Variants in ARHGAP21 observed in about 807,000 individuals in gnomAD.
ARHGAP21 encodes rho GTPase-activating protein 21.
A neutral mutation model predicts 164.6 loss-of-function variants in ARHGAP21; 38 were observed. The observed-to-expected ratio is 0.23, with a 90% CI of 0.18 to 0.30. ARHGAP21 has a LOEUF of 0.30. Ranked by LOEUF, ARHGAP21 falls within the 10% of genes least tolerant of loss-of-function variation. The pLI, the probability that ARHGAP21 is intolerant of heterozygous loss-of-function variation, is 1.00. For synonymous variants in ARHGAP21, 766 were observed against 857.9 expected, an observed-to-expected ratio of 0.89 and a Z score of 1.87; for missense variants, 1,822 against 2,370.7, an observed-to-expected ratio of 0.77 and a Z score of 4.81.
intron 2 of ARHGAP21, among the ~76,000 whole-genome samples, chr10:24,705,170 T>C (rs530622181): frequency 2.0e-5 from 3 of 152,308 alleles, no homozygotes; most frequent in African/African-American, 7.2e-5. Flanking sequence ...ACTAATGAGT[T>C]TAGTAATTGC....
chr10:24,675,331 G>C (rs1216850549), intron 2 of ARHGAP21, among the ~76,000 whole-genome samples: 1 of 152,150 alleles, frequency 6.6e-6, no homozygotes, highest in East Asian at 1.9e-4. Flanking sequence ...AGGAGAAGGA[G>C]TACATACTGT....
chr10:24,590,150 G>T (rs1329074357), intron 24 of ARHGAP21: 2 of 1,348,524 alleles, frequency 1.5e-6, no homozygotes, highest in East Asian at 2.7e-5. Context: ...CCCATGCCAC[G>T]CCCCTTTTAA....
Position 24,719,098 on chromosome 10 carries a change from T to TACACACACACACAC in ARHGAP21, c.63+2725_63+2738dup, listed in dbSNP as rs57863565. On this transcript the variant is annotated intron_variant, in intron 2 of 25. Transcript: ENST00000396432. ...ATTGGTGTCAGAAGACTTCACGGAC[T>TACACACACACACAC]ACACACACACACACACACACACACA... 9.2e-3 allele frequency among the ~76,000 whole-genome samples: 1,363 copies of TACACACACACACAC among 147,588 alleles called. 18 individuals carry two copies. The highest frequency in any genetic ancestry group is 0.033 in the African/African-American group (1,298 of 39,652).
intron 14 of ARHGAP21, among the ~76,000 whole-genome samples, chr10:24,599,240 G>C (rs2076710273): frequency 6.6e-6 from 1 of 152,226 alleles, no homozygotes; most frequent in African/African-American, 2.4e-5. Context: ...TCTACTGCCT[G>C]AGAGAATGCC....
At chr10:24,712,283 G>GAC (rs547891906) in intron 2 of ARHGAP21, among the ~76,000 whole-genome samples, 157 of 152,250 alleles carry the variant, frequency 1.0e-3, no homozygotes, top group South Asian at 5.8e-3. Flanking sequence ...GGCAGATGGA[G>GAC]ACTTGGGCAT....
In ARHGAP21 at chr10:24,625,062, G is replaced by A. The variant is rs11014181; in HGVS notation, c.496-2300C>T. ...AAGCTCTAAAAAGTGGGGGGGGGGG[G>A]GGAGGAGGAGGAGGAAGAAAATAAG... is the stretch of plus-strand genomic sequence containing the variant. On this transcript the variant is annotated intron_variant, in intron 7 of 25. Transcript: ENST00000396432. 6.6e-3 allele frequency among the ~76,000 whole-genome samples: 289 copies of A among 43,938 alleles called. 89 individuals carry two copies. The South Asian group carries it at 0.17, about 26-fold the overall frequency. 28.8% of individuals were successfully genotyped at this position (43,938 alleles called of 152,430 possible).
intron 9 of ARHGAP21, among the ~76,000 whole-genome samples, chr10:24,612,808 T>C (rs1412181021): frequency 1.3e-5 from 2 of 152,108 alleles, no homozygotes; most frequent in East Asian, 3.9e-4. Context: ...TGAGCCGAGA[T>C]CAGGCTGCTG....
intron 4 of ARHGAP21, among the ~76,000 whole-genome samples, chr10:24,639,290 T>C (rs1836733057): frequency 6.6e-6 from 1 of 152,180 alleles, no homozygotes; most frequent in Non-Finnish European, 1.5e-5. Flanking sequence ...ATGACAACCC[T>C]ATATCCAAGT....
At chr10:24,595,676 T>G in intron 19 of ARHGAP21, 41 bp downstream of exon 19, 1 of 1,564,470 alleles carries the variant, frequency 6.4e-7, no homozygotes, top group Non-Finnish European at 8.8e-7. Flanking sequence ...AATTGTAACT[T>G]GAACCATTTC....
Position 24,722,029 on chromosome 10 carries a change from C to A in ARHGAP21, c.-130G>T. ...CCGAGGAGGGGCAGGGCTGTTGAAA[C>A]AGACAACGTGCCAGGGAATAAAGGT... On this transcript the variant is annotated 5_prime_UTR_variant, in exon 2 of 26. Coordinates refer to ENST00000396432, the MANE Select transcript of ARHGAP21 (RefSeq NM_020824.4). 3 of 939,012 alleles carry A rather than the reference C, an allele frequency of 3.2e-6. No individual in the cohort carries two copies. In the South Asian group the frequency reaches 4.3e-5, roughly 13 times the overall value. 58.2% of individuals were successfully genotyped at this position (939,012 alleles called of 1,614,324 possible). A position where few individuals can be genotyped will look rare whatever the true frequency, so the allele number is the denominator to read the frequency against.
At chr10:24,712,315 G>A (rs145108615) in intron 2 of ARHGAP21, among the ~76,000 whole-genome samples, 210 of 152,264 alleles carry the variant, frequency 1.4e-3, no homozygotes, top group Non-Finnish European at 2.1e-3. Context: ...GGCCATGTAC[G>A]GACAGGCAGA....
intron 4 of ARHGAP21, among the ~76,000 whole-genome samples, chr10:24,661,814 A>T (rs1234788151): frequency 6.6e-6 from 1 of 152,248 alleles, no homozygotes; most frequent in African/African-American, 2.4e-5. Flanking sequence ...CATTCTAAAA[A>T]CTGACTTGTA....
Position 24,607,607 on chromosome 10 carries a change from A to ATTAAT in ARHGAP21, c.2582-11_2582-7dup. The ATTAAT allele has an allele frequency of 6.2e-7, 1 of 1,613,300 alleles. No homozygotes were observed. Among genetic ancestry groups the ATTAAT allele is most frequent in the Non-Finnish European group, 8.5e-7 (1 of 1,179,366 alleles). On this transcript the variant is annotated splice_region_variant and splice_polypyrimidine_tract_variant and intron_variant, in intron 10 of 25. Coordinates refer to ENST00000396432, the MANE Select transcript of ARHGAP21 (RefSeq NM_020824.4). ...GCTAGGAGGGCCAACAGATTCTGTA[A>ATTAAT]TTAATTAAAATCCAATATTTAGACA...
intron 11 of ARHGAP21, among the ~76,000 whole-genome samples, chr10:24,606,118 AAAAGT>A (rs1337841610): frequency 6.6e-6 from 1 of 152,192 alleles, no homozygotes; most frequent in Non-Finnish European, 1.5e-5. Context: ...CAAAAAAATA[AAAAGT>A]AAACATAAAT....
At chr10:24,715,116 G>A (rs943269277) in intron 2 of ARHGAP21, among the ~76,000 whole-genome samples, 5 of 151,982 alleles carry the variant, frequency 3.3e-5, no homozygotes, top group African/African-American at 4.8e-5. Flanking sequence ...TTTTAGTATT[G>A]TTTTAAGCAG....
intron 2 of ARHGAP21, among the ~76,000 whole-genome samples, chr10:24,693,940 C>T (rs1317606845): frequency 6.6e-6 from 1 of 152,172 alleles, no homozygotes; most frequent in Admixed American, 6.5e-5. Flanking sequence ...CTATAATCTT[C>T]AGGAACACAG....
chr10:24,653,221 C>T (rs1470606815), intron 4 of ARHGAP21, among the ~76,000 whole-genome samples: 1 of 152,158 alleles, frequency 6.6e-6, no homozygotes, highest in Non-Finnish European at 1.5e-5. Context: ...TACCCTTTCC[C>T]AGTCAATTCA....
intron 2 of ARHGAP21, among the ~76,000 whole-genome samples, chr10:24,719,462 A>AT (rs1331896900): frequency 1.3e-5 from 2 of 152,234 alleles, no homozygotes; most frequent in African/African-American, 4.8e-5. Flanking sequence ...GAGTTGGCTA[A>AT]TTAGATAAAG....
intron 9 of ARHGAP21, among the ~76,000 whole-genome samples, chr10:24,609,739 C>T (rs1230383604): frequency 6.6e-6 from 1 of 152,088 alleles, no homozygotes; most frequent in Non-Finnish European, 1.5e-5. Context: ...TAATTATTAC[C>T]AATGTGCATA....
Sources: gnomAD v4.1 joint callset for allele counts (sites outside exome capture counted in the v4.1 genomes callset) on GRCh38, gnomAD v4.1.1 for gene constraint, MANE v1.5 for transcripts, NCBI Gene and HGNC (gene_info 2026-07-23, HGNC 2026-07-21) for gene names.